BCL2: variants seen among roughly 807,000 people sequenced by gnomAD.
BCL2 encodes BCL2 apoptosis regulator.
A neutral mutation model predicts 14.2 loss-of-function variants in BCL2; 1 was observed. That is an observed-to-expected ratio of 0.07 (90% confidence interval 0.02 to 0.33). BCL2 has a LOEUF of 0.33. Among genes scored for constraint, BCL2 ranks in the 10% least tolerant of loss-of-function variants. BCL2 has a pLI of 0.99. For synonymous variants in BCL2, 151 were observed against 137.2 expected (o/e 1.10, Z -0.70); for missense variants, 247 against 305.9 (o/e 0.81, Z 1.44).
Position 63,149,155 on chromosome 18 carries a change from C to A in BCL2, c.586-20396G>T, listed in dbSNP as rs1276765334. On this transcript the variant is annotated intron_variant, in intron 2 of 2. Coordinates refer to ENST00000333681, the MANE Select transcript of BCL2 (RefSeq NM_000633.3). The surrounding 1 kb of genome is among the most constrained non-coding windows in gnomAD (Gnocchi z 4.2). The stretch of plus-strand genomic sequence containing the variant: ...CTCATTTATGTCAGCAGTCCACAAC[C>A]TTTTTGGCACCAGGGACGTGTTTTG... 1.3e-5 allele frequency among the ~76,000 whole-genome samples: 2 copies of A among 152,216 alleles called. No individual in the cohort carries two copies. The highest frequency in any genetic ancestry group is 2.9e-5 in the Non-Finnish European group (2 of 68,030).
chr18:63,166,073 G>A (rs1915036962), intron 2 of BCL2, among the ~76,000 whole-genome samples: 1 of 152,216 alleles, frequency 6.6e-6, no homozygotes, highest in East Asian at 1.9e-4. Flanking sequence ...ACAAAGCCTG[G>A]CCCTCAGTAT....
chr18:63,224,998 A>AGG (rs928914840), intron 2 of BCL2, among the ~76,000 whole-genome samples: 1 of 152,068 alleles, frequency 6.6e-6, no homozygotes, highest in Non-Finnish European at 1.5e-5. Context: ...GCCGAGAGAG[A>AGG]AGTCTAGCTA....
At chr18:63,302,707 TA>T (rs908478149) in intron 2 of BCL2, 17 of 985,014 alleles carry the variant, frequency 1.7e-5, no homozygotes, top group Non-Finnish European at 1.9e-5. Flanking sequence ...AATGAGAAAG[TA>T]GGGGGGAAAA....
intron 2 of BCL2, among the ~76,000 whole-genome samples, chr18:63,230,988 A>C (rs1296569290): frequency 6.6e-6 from 1 of 151,714 alleles, no homozygotes; most frequent in African/African-American, 2.4e-5. Context: ...TTGAGATTAT[A>C]TCTATCAAAA....
At chr18:63,254,129 A>G (rs79667304) in intron 2 of BCL2, among the ~76,000 whole-genome samples, 6,239 of 152,178 alleles carry the variant, frequency 0.041, 210 homozygotes, top group African/African-American at 0.093. Flanking sequence ...ATGTACCACA[A>G]ACTCTCAACT....
chr18:63,165,168 T>C (rs940614551), intron 2 of BCL2, among the ~76,000 whole-genome samples: 2 of 152,208 alleles, frequency 1.3e-5, no homozygotes, highest in Admixed American at 1.3e-4. Flanking sequence ...CCAGCCCCCA[T>C]GTGGTGCCCT....
chr18:63,291,408 T>A (rs2144268879), intron 2 of BCL2, among the ~76,000 whole-genome samples: 1 of 152,340 alleles, frequency 6.6e-6, no homozygotes, highest in East Asian at 1.9e-4. Flanking sequence ...AGATTCACAA[T>A]ACAGTGTTGA....
At chr18:63,301,090 T>C (rs1454905731) in intron 2 of BCL2, among the ~76,000 whole-genome samples, 5 of 152,218 alleles carry the variant, frequency 3.3e-5, no homozygotes, top group Non-Finnish European at 7.3e-5. Flanking sequence ...GAAAATATGT[T>C]AGATAAAACA....
At chr18:63,303,978 T>C (rs1913042780) in intron 2 of BCL2, among the ~76,000 whole-genome samples, 1 of 152,240 alleles carries the variant, frequency 6.6e-6, no homozygotes, top group South Asian at 2.1e-4. Flanking sequence ...ACATTTATTA[T>C]TTTTAAGGTA....
chr18:63,241,371 A>T (rs1461473158), intron 2 of BCL2, among the ~76,000 whole-genome samples: 1 of 152,258 alleles, frequency 6.6e-6, no homozygotes, highest in Non-Finnish European at 1.5e-5. Context: ...CCCACCAAGC[A>T]TATTTCATGG....
At chr18:63,138,802 C>T (rs1170629291) in intron 2 of BCL2, among the ~76,000 whole-genome samples, 1 of 152,216 alleles carries the variant, frequency 6.6e-6, no homozygotes, top group Non-Finnish European at 1.5e-5. Context: ...CAAAACTTGC[C>T]CGCTTACCAC....
chr18:63,297,562 G>A (rs1912835293), intron 2 of BCL2, among the ~76,000 whole-genome samples: 1 of 152,206 alleles, frequency 6.6e-6, no homozygotes. Flanking sequence ...CCTTTTCTCA[G>A]TGCCTAGCAC....
At chr18:63,214,717 TTATC>T (rs1348888339) in intron 2 of BCL2, among the ~76,000 whole-genome samples, 1 of 151,388 alleles carries the variant, frequency 6.6e-6, no homozygotes, top group Non-Finnish European at 1.5e-5. Flanking sequence ...ATTTATTTAT[TTATC>T]TATTTTTGAG....
chr18:63,143,318 C>T (rs150136831), intron 2 of BCL2, among the ~76,000 whole-genome samples: 7 of 152,332 alleles, frequency 4.6e-5, no homozygotes, highest in East Asian at 1.9e-4. Context: ...CTTCCATCAG[C>T]ACAACCTACA....
chr18:63,317,532 T>C (rs1453051901), intron 2 of BCL2: 2 of 984,160 alleles, frequency 2.0e-6, no homozygotes, highest in African/African-American at 1.7e-5. Context: ...AGACTTACAT[T>C]GGTTTTCCTC....
At chr18:63,276,971 C>T (rs1912171407) in intron 2 of BCL2, among the ~76,000 whole-genome samples, 1 of 152,150 alleles carries the variant, frequency 6.6e-6, no homozygotes, top group African/African-American at 2.4e-5. Flanking sequence ...TACTAAATAT[C>T]TATCATAAGA....
chr18:63,282,311 A>G (rs1341872597), intron 2 of BCL2, among the ~76,000 whole-genome samples: 1 of 152,216 alleles, frequency 6.6e-6, no homozygotes, highest in Non-Finnish European at 1.5e-5. Flanking sequence ...TGCGATTCCA[A>G]TCCAGAGTTG....
intron 2 of BCL2, among the ~76,000 whole-genome samples, chr18:63,164,743 T>C (rs572936483): frequency 2.3e-4 from 35 of 152,178 alleles, no homozygotes; most frequent in Non-Finnish European, 3.5e-4. Context: ...TTGAAACCAC[T>C]GGAGGAGAAA....
In BCL2 at chr18:63,200,163, G is replaced by T. The variant is rs1028938900; in HGVS notation, c.586-71404C>A. On this transcript the variant is annotated intron_variant, in intron 2 of 2. Coordinates refer to ENST00000333681, the MANE Select transcript of BCL2 (RefSeq NM_000633.3). The stretch of plus-strand genomic sequence containing the variant: ...TTCTGCACAAACCTCGCCTCCCTCA[G>T]TTCTTAGAATGAAGATAGATACCAC... Among the ~76,000 whole-genome samples, 4 of 152,138 alleles carry T rather than the reference G, an allele frequency of 2.6e-5. No individual in the cohort carries two copies. The East Asian group carries it at 7.7e-4, about 29-fold the overall frequency.
Sources: allele counts gnomAD v4.1 joint callset (sites outside exome capture counted in the v4.1 genomes callset), GRCh38; gene constraint gnomAD v4.1.1; non-coding constraint Gnocchi (gnomAD v3.1); transcripts MANE v1.5; gene names NCBI Gene and HGNC (gene_info 2026-07-23, HGNC 2026-07-21).